POLR1B: variants seen among roughly 807,000 people sequenced by gnomAD.
POLR1B encodes DNA-directed RNA polymerase I subunit RPA2.
POLR1B carries 30 observed loss-of-function variants against 105.8 expected under a neutral mutation model. That is an observed-to-expected ratio of 0.28 (90% CI 0.21 to 0.38). The LOEUF is 0.38. Ranked by LOEUF, POLR1B falls within the 10% of genes least tolerant of loss-of-function variation. The probability of loss-of-function intolerance (pLI) is 1.00; values close to 1 mark genes in which losing one functional copy is unlikely to be tolerated. For missense variants in POLR1B, 976 were observed against 1,435.8 expected (o/e 0.68, Z 5.17); for synonymous variants, 485 against 505.1 (o/e 0.96, Z 0.53).
chr2:112,560,202 T>A (rs1014302966), intron 9 of POLR1B, among the ~76,000 whole-genome samples: 4 of 152,064 alleles, frequency 2.6e-5, no homozygotes, highest in Non-Finnish European at 4.4e-5. Context: ...ATTGTGCCGC[T>A]GCTGCACTTT....
intron 8 of POLR1B, among the ~76,000 whole-genome samples, chr2:112,558,744 G>T (rs974119191): frequency 6.6e-6 from 1 of 151,610 alleles, no homozygotes; most frequent in African/African-American, 2.4e-5. Context: ...TCAGCCCCAC[G>T]AGTAGCTGTG....
At position 112,552,010 on chromosome 2, in the gene POLR1B, T is replaced by C. The variant is rs1262379120; in HGVS notation, c.986+12T>C. 1.2e-6 allele frequency: 2 copies of C among 1,608,016 alleles called. No homozygotes were observed. Among genetic ancestry groups the C allele is most frequent in the African/African-American group, 2.7e-5 (2 of 74,804 alleles). On this transcript the variant is annotated intron_variant, in intron 6 of 14. Coordinates refer to ENST00000263331, the MANE Select transcript of POLR1B (RefSeq NM_019014.6). The stretch of plus-strand genomic sequence containing the variant: ...GAGTTCCTGTTTAAGTATGTGTGCT[T>C]TGTCTAAACTGTTTTTGGAGGGGCG...
Position 112,561,902 on chromosome 2 carries a change from C to T in POLR1B, c.1612+2328C>T, listed in dbSNP as rs748601375. Among the ~76,000 whole-genome samples, 12 of 152,068 alleles carry T rather than the reference C, an allele frequency of 7.9e-5. 1 individual carries two copies. In the South Asian group the frequency reaches 2.3e-3, roughly 29 times the overall value. ...ATCCAGGCTGGTCTCGAACTCCTGG[C>T]CTCAAGCATTCCTTCTGCCTTGGCC... On this transcript the variant is annotated intron_variant, in intron 9 of 14. Transcript: ENST00000263331.
At chr2:112,566,772 G>A (rs891732898) in intron 10 of POLR1B, among the ~76,000 whole-genome samples, 8 of 147,606 alleles carry the variant, frequency 5.4e-5, no homozygotes, top group Non-Finnish European at 8.9e-5. Flanking sequence ...TCGCTCTGTC[G>A]CCCAGGCTGC....
At position 112,577,938 on chromosome 2, in the gene POLR1B, G is replaced by A. The variant is rs368245305; in HGVS notation, c.*2209G>A. The stretch of plus-strand genomic sequence containing the variant: ...GGTTGAGAAGAAGAAGGAAAAAGTC[G>A]ATTCTACTGACTGACGTTTCCCCCT... On this transcript the variant is annotated 3_prime_UTR_variant, in exon 15 of 15. Coordinates refer to ENST00000263331, the MANE Select transcript of POLR1B (RefSeq NM_019014.6). Among the ~76,000 whole-genome samples the A allele has an allele frequency of 9.9e-5, 15 of 151,772 alleles. No individual in the cohort carries two copies. The highest frequency in any genetic ancestry group is 3.5e-3 in the Middle Eastern group (1 of 284).
intron 9 of POLR1B, among the ~76,000 whole-genome samples, chr2:112,563,280 C>A (rs543933201): frequency 6.6e-6 from 1 of 152,062 alleles, no homozygotes; most frequent in East Asian, 1.9e-4. Flanking sequence ...TGGTCTCGAT[C>A]TCCTGACCTC....
intron 1 of POLR1B, chr2:112,545,774 G>A: frequency 3.1e-6 from 1 of 318,048 alleles, no homozygotes; most frequent in South Asian, 2.5e-5. Context: ...TGAGTAGCTG[G>A]GACCACAGGC....
rs1287647254 is a variant in POLR1B at position 112,552,793 on chromosome 2, CA to C, written c.1136del (p.Gln379ArgfsTer7). On this transcript the variant is annotated frameshift_variant, in exon 7 of 15. Transcript: ENST00000263331. LOFTEE classifies it high-confidence loss of function. ...LVNQEVLTPG[Q>X]LFLMFLKEKL... is the part of the protein sequence containing the mutation. Reference sequence around the variant, plus strand: ...GAACCAGGAAGTCCTCACACCGGGTCAGCTCTTCCTTATGTTCCTGAAGGTA... The same window carrying C: ...GAACCAGGAAGTCCTCACACCGGGTCGCTCTTCCTTATGTTCCTGAAGGTA... The C allele has an allele frequency of 3.1e-6, 5 of 1,596,736 alleles. No individual in the cohort carries two copies.
intron 14 of POLR1B, 113 bp downstream of exon 14, chr2:112,573,928 C>A: frequency 7.9e-7 from 1 of 1,265,224 alleles, no homozygotes; most frequent in Non-Finnish European, 1.1e-6. Flanking sequence ...CTCACTACAA[C>A]CACCACCTCC....
intron 3 of POLR1B, among the ~76,000 whole-genome samples, chr2:112,548,825 G>A (rs1233960397): frequency 1.3e-5 from 2 of 152,104 alleles, no homozygotes; most frequent in African/African-American, 2.4e-5. Flanking sequence ...TGTTAGCCAG[G>A]ATGGTCTTGA....
chr2:112,555,237 G>A (rs1012061408), intron 7 of POLR1B, among the ~76,000 whole-genome samples: 2 of 151,960 alleles, frequency 1.3e-5, no homozygotes, highest in Non-Finnish European at 2.9e-5. Flanking sequence ...CAGCCACTTG[G>A]GAGGCTGAGG....
chr2:112,574,799 A>G (rs749714999), intron 14 of POLR1B, 48 bp from the exon 15 acceptor site: 16 of 1,495,784 alleles, frequency 1.1e-5, no homozygotes, highest in Non-Finnish European at 1.4e-5. Context: ...ACTTATCTCC[A>G]TAAGTTAAAA....
chr2:112,564,225 A>G, intron 9 of POLR1B, 141 bp from the exon 10 acceptor site: 1 of 1,002,050 alleles, frequency 1.0e-6, no homozygotes, highest in Non-Finnish European at 1.4e-6. Context: ...CAGTTAAAAG[A>G]AATAATGCCT....
upstream of POLR1B, chr2:112,542,223 G>C (rs1233985585): frequency 3.3e-6 from 5 of 1,535,692 alleles, no homozygotes; most frequent in East Asian, 2.4e-5. Context: ...TTTCGCGAGC[G>C]GGGAGATGAG....
intron 3 of POLR1B, among the ~76,000 whole-genome samples, chr2:112,547,834 T>G (rs560015985): frequency 2.0e-5 from 3 of 149,618 alleles, no homozygotes; most frequent in South Asian, 4.2e-4. Flanking sequence ...AGAGACATAC[T>G]TCCACAAAAT....
chr2:112,573,943 C>T (rs888626852), intron 14 of POLR1B, 128 bp downstream of exon 14: 3 of 1,112,404 alleles, frequency 2.7e-6, no homozygotes, highest in Non-Finnish European at 3.8e-6. Context: ...ACCTCCCGGG[C>T]TCAAGCAATC....
chr2:112,548,639 G>A (rs1683189237), intron 3 of POLR1B, among the ~76,000 whole-genome samples: 1 of 149,910 alleles, frequency 6.7e-6, no homozygotes, highest in South Asian at 2.1e-4. Flanking sequence ...TTGAGACGGA[G>A]TCTCCCTCTC....
chr2:112,574,354 T>G (rs1371539232), intron 14 of POLR1B, among the ~76,000 whole-genome samples: 1 of 152,220 alleles, frequency 6.6e-6, no homozygotes, highest in Non-Finnish European at 1.5e-5. Flanking sequence ...CAGATGAACA[T>G]AATTCTGTAG....
At chr2:112,549,469 G>A in intron 4 of POLR1B, 70 bp downstream of exon 4, 1 of 1,154,082 alleles carries the variant, frequency 8.7e-7, no homozygotes, top group Non-Finnish European at 1.2e-6. Context: ...TGAAGTAGAT[G>A]CATCCAAATG....
Sources: gnomAD v4.1 joint callset for allele counts (sites outside exome capture counted in the v4.1 genomes callset) on GRCh38, gnomAD v4.1.1 for gene constraint, MANE v1.5 for transcripts, NCBI Gene and HGNC (gene_info 2026-07-23, HGNC 2026-07-21) for gene names.